The following CSMD3 variants were observed in gnomAD, a reference collection of about 807,000 sequenced individuals.
The protein encoded by CSMD3 is CUB and sushi domain-containing protein 3.
A neutral mutation model predicts 435.2 loss-of-function variants in CSMD3; 177 were observed. The observed-to-expected ratio is 0.41, with a 90% CI of 0.36 to 0.46. CSMD3 has a LOEUF of 0.46. CSMD3 is among the 20% of genes least tolerant of loss of function. The pLI is 0.34. For synonymous variants in CSMD3, 1,656 were observed against 1,520.5 expected (o/e 1.09, Z -2.07); for missense variants, 4,265 against 4,504.6 (o/e 0.95, Z 1.52).
chr8:113,414,651 C>CAAAAAAAA (rs780988317), intron 1 of CSMD3, among the ~76,000 whole-genome samples: 32 of 84,982 alleles, frequency 3.8e-4, no homozygotes, highest in African/African-American at 7.6e-4. Context: ...TGCCCAAATA[C>CAAAAAAAA]AAAAAAAAAA....
chr8:113,168,959 T>A (rs961133552), intron 4 of CSMD3, among the ~76,000 whole-genome samples: 6 of 152,124 alleles, frequency 3.9e-5, no homozygotes, highest in African/African-American at 1.4e-4. Flanking sequence ...TAAATATCCT[T>A]TCATTAACTA....
In CSMD3 at chr8:112,337,561, G is replaced by T. The variant is rs760294494; in HGVS notation, c.6823C>A (p.Pro2275Thr). 7 of 1,613,370 alleles carry T rather than the reference G, an allele frequency of 4.3e-6. No homozygotes were observed. The East Asian group carries it at 1.3e-4, about 31-fold the overall frequency. Reference protein sequence around the residue: ...LHGVSRNWNHPLPRCEALCGG... With the variant: ...LHGVSRNWNHTLPRCEALCGG... Reference sequence around the variant, plus strand: ...AGCATACCTTCACACCTTGGAAGTGGATGATTCCAATTACGACTGACTCCG... The same window carrying T: ...AGCATACCTTCACACCTTGGAAGTGTATGATTCCAATTACGACTGACTCCG... The change falls in exon 43 of 71, where the codon CCA becomes ACA. Residue 2275 changes from proline (P) to threonine (T), a missense_variant. Pro to Thr is a conservative substitution (Grantham distance 38). Around this residue, in one of 3 missense-constraint regions of CSMD3, gnomAD observed 3,255 missense variants for 3,380.2 expected, o/e 0.96. Transcript: ENST00000297405.
chr8:112,270,595 T>C (rs1175730421), intron 59 of CSMD3, among the ~76,000 whole-genome samples: 6 of 152,140 alleles, frequency 3.9e-5, no homozygotes, highest in Non-Finnish European at 7.4e-5. Context: ...CCTAGCAAAG[T>C]GCCCAATGAT....
chr8:112,424,061 G>C (rs1432257333), intron 32 of CSMD3, among the ~76,000 whole-genome samples: 1 of 152,090 alleles, frequency 6.6e-6, no homozygotes, highest in Non-Finnish European at 1.5e-5. Flanking sequence ...AAGAAGCTGT[G>C]TGAAAAATGT....
In CSMD3 at chr8:112,319,947, AG is replaced by A. The variant is rs868810224; in HGVS notation, c.7199del (p.Pro2400LeufsTer8). 6.2e-7 allele frequency: 1 copy of A among 1,613,056 alleles called. No homozygotes were observed. The highest frequency in any genetic ancestry group is 1.3e-5 in the African/African-American group (1 of 75,006). ...CCGTCAAAATTTCAGCATTGGGCAC[AG>A]GTGGTGGAGGTTGGCACACCCTTAG... ...YQLRVCQPPP[P>X]VPNAEILTED... On this transcript the variant is annotated frameshift_variant, in exon 46 of 71. Transcript: ENST00000297405. LOFTEE classifies it high-confidence loss of function.
At chr8:113,346,368 T>C (rs1348584595) in intron 1 of CSMD3, among the ~76,000 whole-genome samples, 1 of 152,112 alleles carries the variant, frequency 6.6e-6, no homozygotes, top group African/African-American at 2.4e-5. Context: ...AAATGTAAGA[T>C]GAATGAACTT....
At chr8:112,510,252 G>A (rs188412575) in intron 28 of CSMD3, among the ~76,000 whole-genome samples, 96 of 152,226 alleles carry the variant, frequency 6.3e-4, no homozygotes, top group African/African-American at 2.1e-3. Context: ...ATCGTACTAT[G>A]TATATGCATA....
At chr8:112,793,284 T>C (rs1234527182) in intron 13 of CSMD3, among the ~76,000 whole-genome samples, 4 of 149,962 alleles carry the variant, frequency 2.7e-5, no homozygotes, top group African/African-American at 9.7e-5. Flanking sequence ...TATATACTGG[T>C]AGCAGAAGGT....
At chr8:112,845,902 A>G (rs533735271) in intron 11 of CSMD3, among the ~76,000 whole-genome samples, 61 of 152,074 alleles carry the variant, frequency 4.0e-4, no homozygotes, top group Non-Finnish European at 7.4e-4. Context: ...TGAATTATTA[A>G]TATAGAGGAA....
chr8:112,692,941 CT>C (rs1171583051), intron 13 of CSMD3, among the ~76,000 whole-genome samples: 1 of 151,366 alleles, frequency 6.6e-6, no homozygotes, highest in African/African-American at 2.4e-5. Flanking sequence ...ATCTATCTAT[CT>C]ATCTATCTAT....
intron 3 of CSMD3, among the ~76,000 whole-genome samples, chr8:113,268,108 T>A (rs980651126): frequency 6.6e-6 from 1 of 151,728 alleles, no homozygotes; most frequent in African/African-American, 2.4e-5. Flanking sequence ...CTATAAAAAG[T>A]GACTATGCAT....
chr8:112,635,545 G>A (rs183696157), intron 22 of CSMD3, among the ~76,000 whole-genome samples: 28 of 151,944 alleles, frequency 1.8e-4, no homozygotes, highest in Non-Finnish European at 3.8e-4. Flanking sequence ...ATAGCTCCTG[G>A]AAAAGATGCC....
intron 6 of CSMD3, among the ~76,000 whole-genome samples, chr8:112,980,077 G>A (rs1292448603): frequency 6.6e-6 from 1 of 150,454 alleles, no homozygotes; most frequent in African/African-American, 2.4e-5. Flanking sequence ...TTTATTATGT[G>A]TTTTCAAAAA....
At chr8:112,642,480 G>A (rs1180722574) in intron 20 of CSMD3, among the ~76,000 whole-genome samples, 1 of 152,080 alleles carries the variant, frequency 6.6e-6, no homozygotes, top group Non-Finnish European at 1.5e-5. Flanking sequence ...ATGGTGAAGA[G>A]ATTACAGATG....
At chr8:112,567,461 T>C (rs1829152157) in intron 24 of CSMD3, among the ~76,000 whole-genome samples, 1 of 152,144 alleles carries the variant, frequency 6.6e-6, no homozygotes, top group Non-Finnish European at 1.5e-5. Context: ...TTATTAATTG[T>C]TCTCTATATT....
chr8:113,240,174 A>C (rs1399021923), intron 3 of CSMD3, among the ~76,000 whole-genome samples: 1 of 152,092 alleles, frequency 6.6e-6, no homozygotes, highest in Non-Finnish European at 1.5e-5. Flanking sequence ...TCCTCCTTTC[A>C]AAGGACATGC....
chr8:112,607,112 T>C (rs1270471213), intron 22 of CSMD3, among the ~76,000 whole-genome samples: 2 of 144,772 alleles, frequency 1.4e-5, no homozygotes, highest in Non-Finnish European at 3.0e-5. Flanking sequence ...TTTGAAAAAA[T>C]AAGCCAAATT....
rs188807057 is a variant in CSMD3, at chr8:113,248,870, C to T, written c.514+29722G>A. Among the ~76,000 whole-genome samples, 11 of 151,574 alleles carry T rather than the reference C, an allele frequency of 7.3e-5. No individual in the cohort carries two copies. The South Asian group carries it at 8.3e-4, about 11-fold the overall frequency. On this transcript the variant is annotated intron_variant, in intron 3 of 70. Coordinates refer to ENST00000297405, the MANE Select transcript of CSMD3 (RefSeq NM_198123.2). ...AACAGCTTAATTTTTTTTAATGTAACGGCGATTGCTGAAACTGTCAACTTT... is the reference window on the plus strand; with the variant it reads ...AACAGCTTAATTTTTTTTAATGTAATGGCGATTGCTGAAACTGTCAACTTT...
At chr8:112,244,263 A>T in intron 65 of CSMD3, 131 bp downstream of exon 65, 1 of 728,702 alleles carries the variant, frequency 1.4e-6, no homozygotes, top group Non-Finnish European at 2.4e-6. Context: ...TGTTTACATT[A>T]CTCCTAGACT....
Sources: gnomAD v4.1 joint callset for allele counts (sites outside exome capture counted in the v4.1 genomes callset) on GRCh38, gnomAD v4.1.1 for gene constraint, gnomAD v4.1.1 regional missense constraint, MANE v1.5 for transcripts, NCBI Gene and HGNC (gene_info 2026-07-23, HGNC 2026-07-21) for gene names.